ACTR5: variants seen among roughly 807,000 people sequenced by gnomAD.
The protein encoded by ACTR5 is actin related protein 5.
In ACTR5, 43 loss-of-function variants were observed where a neutral mutation model predicts 61.2. The ratio of observed to expected loss-of-function variants is 0.70; its 90% CI spans 0.55 to 0.91. The LOEUF (loss-of-function observed/expected upper bound fraction) is 0.91. ACTR5 is among the 40% of genes least tolerant of loss of function. ACTR5 has a pLI of 0.00. For synonymous variants in ACTR5, 333 were observed against 310.5 expected, an observed-to-expected ratio of 1.07 and a Z score of -0.76; for missense variants, 798 against 782.2, an observed-to-expected ratio of 1.02 and a Z score of -0.24.
intron 5 of ACTR5, among the ~76,000 whole-genome samples, chr20:38,760,546 G>A (rs1417976501): frequency 1.3e-5 from 2 of 152,226 alleles, no homozygotes; most frequent in African/African-American, 4.8e-5. Flanking sequence ...GACAAGAGTA[G>A]CAGTGTTGAT....
In ACTR5 at chr20:38,771,794, G is replaced by C; in HGVS notation, c.1802G>C (p.Gly601Ala). The change falls in exon 9 of 9, where the codon GGT becomes GCT. Residue 601 changes from glycine to alanine, a missense_variant. Coordinates refer to ENST00000243903, the MANE Select transcript of ACTR5 (RefSeq NM_024855.4). ...AGCAAGGGCTCCGCTGCTGGTGGAG[G>C]TGGTGCTGGTGAGCAGGCATAGCAG... ...ASSKGSAAGGGGAGEQA is the reference protein window; with the variant it reads ...ASSKGSAAGGAGAGEQA The C allele has an allele frequency of 1.2e-6, 2 of 1,612,776 alleles. No homozygotes were observed.
At chr20:38,757,882 G>C (rs1238147133) in intron 5 of ACTR5, among the ~76,000 whole-genome samples, 3 of 151,386 alleles carry the variant, frequency 2.0e-5, no homozygotes, top group Non-Finnish European at 4.4e-5. Flanking sequence ...ATCAGCCTCA[G>C]TTGAATCAGT....
Position 38,767,458 on chromosome 20 carries a change from T to C in ACTR5, c.1434-6T>C. On this transcript the variant is annotated splice_polypyrimidine_tract_variant and splice_region_variant and intron_variant, in intron 7 of 8. Transcript: ENST00000243903. ...GGGACTATATTAGGAGTTGTTTCTT[T>C]CCTAGGTACCCAAAGGACATTCAGG... 1 of 1,613,494 alleles carries C rather than the reference T, an allele frequency of 6.2e-7. No individual in the cohort carries two copies. Among genetic ancestry groups the C allele is most frequent in the Non-Finnish European group, 8.5e-7 (1 of 1,179,730 alleles).
At chr20:38,764,733 T>G (rs1241480271) in intron 5 of ACTR5, among the ~76,000 whole-genome samples, 2 of 152,210 alleles carry the variant, frequency 1.3e-5, no homozygotes, top group South Asian at 4.1e-4. Context: ...TACAGTGGCA[T>G]GATCATGGCT....
intron 3 of ACTR5, among the ~76,000 whole-genome samples, chr20:38,754,733 T>C (rs577781924): frequency 2.0e-3 from 309 of 150,934 alleles, no homozygotes; most frequent in African/African-American, 3.6e-3. Context: ...GGATCACAGG[T>C]GCCCGCCACC....
In ACTR5 at chr20:38,767,609, CG is replaced by C; in HGVS notation, c.1566+14del. On this transcript the variant is annotated intron_variant, in intron 8 of 8. Transcript: ENST00000243903. ...GTCTTCTTTTCAGGTACTGATTGTT[CG>C]AGTAGTCAATTATTTTGAAAATAGC... is the stretch of plus-strand genomic sequence containing the variant. 6.3e-7 allele frequency: 1 copy of C among 1,592,278 alleles called. No homozygotes were observed. The highest frequency in any genetic ancestry group is 1.1e-5 in the South Asian group (1 of 88,112).
Position 38,750,139 on chromosome 20 carries a change from TTCAGCTTC to T in ACTR5, c.507_514del (p.Phe169LeufsTer4). 1 of 1,614,230 alleles carries T rather than the reference TTCAGCTTC, an allele frequency of 6.2e-7. No individual in the cohort carries two copies. Among genetic ancestry groups the T allele is most frequent in the South Asian group, 1.1e-5 (1 of 91,086 alleles). On this transcript the variant is annotated frameshift_variant, in exon 2 of 9. Coordinates refer to ENST00000243903, the MANE Select transcript of ACTR5 (RefSeq NM_024855.4). LOFTEE classifies it high-confidence loss of function. ...GGTTGCCTATGGAATAGACAGCCTC[TTCAGCTTC>T]TACCACAATAAGCCAAAGAACTCGA...
chr20:38,755,923 C>T lies in ACTR5; in HGVS notation c.1060C>T (p.Pro354Ser). 1.2e-6 allele frequency: 2 copies of T among 1,614,128 alleles called. No homozygotes were observed. The highest frequency in any genetic ancestry group is 1.7e-6 in the Non-Finnish European group (2 of 1,180,024). Residue 354 changes from proline (P) to serine (S), a missense_variant, in exon 5 of 9, where the codon CCA becomes TCA. Pro to Ser is a moderately conservative substitution (Grantham distance 74). Transcript: ENST00000243903. The part of the protein sequence containing the change: ...KALIELNMDS[P>S]EELQSYIQKL... ...TCTGATAGAGCTGAATATGGACTCC[C>T]CAGAAGAGCTGCAGTCCTACATCCA...
At chr20:38,769,920 G>T (rs1289419891) in intron 8 of ACTR5, among the ~76,000 whole-genome samples, 2 of 152,136 alleles carry the variant, frequency 1.3e-5, no homozygotes, top group Non-Finnish European at 2.9e-5. Context: ...GGGTCACGCT[G>T]GCAGCGGCGA....
At chr20:38,758,338 A>G (rs986969603) in intron 5 of ACTR5, among the ~76,000 whole-genome samples, 23 of 152,086 alleles carry the variant, frequency 1.5e-4, no homozygotes, top group African/African-American at 5.3e-4. Flanking sequence ...AGATTTTTCT[A>G]TATGCAACAA....
Position 38,749,998 on chromosome 20 carries a change from C to T in ACTR5, c.376-12C>T. 1 of 1,605,362 alleles carries T rather than the reference C, an allele frequency of 6.2e-7. No homozygotes were observed. On this transcript the variant is annotated splice_polypyrimidine_tract_variant and intron_variant, in intron 1 of 8. Coordinates refer to ENST00000243903, the MANE Select transcript of ACTR5 (RefSeq NM_024855.4). ...TTACCACTCATTTATTTGCCCTTTT[C>T]TTTCAAAGTAGGGCTGTGTTGATCA...
chr20:38,765,416 G>C lies in ACTR5; in HGVS notation c.1191G>C (p.Glu397Asp), dbSNP rs773398124. ...VDSKPETPDL[E>D]QLEPSLEDVE... Reference sequence around the variant, plus strand: ...CCTTCTCTTAGACCCCTGACCTGGAGCAGCTGGAGCCGTCTTTGGAAGATG... The same window carrying C: ...CCTTCTCTTAGACCCCTGACCTGGACCAGCTGGAGCCGTCTTTGGAAGATG... Residue 397 changes from glutamate (E) to aspartate (D), a missense_variant, in exon 6 of 9, where the codon GAG becomes GAC. Coordinates refer to ENST00000243903, the MANE Select transcript of ACTR5 (RefSeq NM_024855.4). 1.2e-5 allele frequency: 19 copies of C among 1,614,136 alleles called. No individual in the cohort carries two copies. The highest frequency in any genetic ancestry group is 1.6e-5 in the Non-Finnish European group (19 of 1,180,010).
intron 3 of ACTR5, among the ~76,000 whole-genome samples, chr20:38,753,425 G>A (rs1194428798): frequency 2.7e-4 from 41 of 149,624 alleles, no homozygotes; most frequent in Admixed American, 7.3e-4. Context: ...GCATGATGTT[G>A]AGTAAAAAAA....
chr20:38,755,220 A>G (rs2084412907), intron 4 of ACTR5, 46 bp downstream of exon 4: 12 of 1,491,916 alleles, frequency 8.0e-6, no homozygotes, highest in South Asian at 1.3e-5. Flanking sequence ...TTAACAAGAT[A>G]GTCTCAGAAG....
In ACTR5 at chr20:38,748,800, C is replaced by T; in HGVS notation, c.322C>T (p.Leu108Phe). 1.2e-6 allele frequency: 2 copies of T among 1,609,434 alleles called. No homozygotes were observed. Among genetic ancestry groups the T allele is most frequent in the Non-Finnish European group, 1.7e-6 (2 of 1,179,118 alleles). The change falls in exon 1 of 9, where the codon CTT (leucine) becomes TTT (phenylalanine). Residue 108 changes from leucine to phenylalanine, a missense_variant. Leu to Phe is a conservative substitution (Grantham distance 22). Coordinates refer to ENST00000243903, the MANE Select transcript of ACTR5 (RefSeq NM_024855.4). ...FDRNVPVNLE[L>F]QELLLDYSFQ... ...CCGCAACGTGCCGGTCAACCTGGAG[C>T]TTCAGGAGTTGCTGCTGGACTACAG... is the stretch of plus-strand genomic sequence containing the variant.
At chr20:38,759,895 C>G (rs1036509140) in intron 5 of ACTR5, among the ~76,000 whole-genome samples, 2 of 152,170 alleles carry the variant, frequency 1.3e-5, no homozygotes, top group Non-Finnish European at 2.9e-5. Context: ...GGGCCGGGCA[C>G]AGTGGCTCAC....
intron 3 of ACTR5, among the ~76,000 whole-genome samples, chr20:38,753,202 ACT>A (rs2084397281): frequency 6.6e-6 from 1 of 151,038 alleles, no homozygotes; most frequent in Non-Finnish European, 1.5e-5. Flanking sequence ...TCTGGTATTG[ACT>A]CTTTTTTTTT....
Position 38,755,950 on chromosome 20 carries a change from A to G in ACTR5, c.1087A>G (p.Lys363Glu). Residue 363 changes from lysine (K) to glutamate (E), a missense_variant, in exon 5 of 9, where the codon AAG becomes GAG. Transcript: ENST00000243903. ...AGAAGAGCTGCAGTCCTACATCCAG[A>G]AGCTCAGTATAGCAGTGGAGCAGGC... ...SPEELQSYIQ[K>E]LSIAVEQAKQ... 2 of 1,614,208 alleles carry G rather than the reference A, an allele frequency of 1.2e-6. No individual in the cohort carries two copies. The highest frequency in any genetic ancestry group is 8.5e-7 in the Non-Finnish European group (1 of 1,180,044).
chr20:38,761,517 A>G (rs1038145455), intron 5 of ACTR5: 2 of 152,364 alleles, frequency 1.3e-5, no homozygotes, highest in South Asian at 2.1e-4. Context: ...GCTTGAAAGG[A>G]TAAGAAAATA....
Sources: allele counts gnomAD v4.1 joint callset (sites outside exome capture counted in the v4.1 genomes callset), GRCh38; gene constraint gnomAD v4.1.1; transcripts MANE v1.5; gene names NCBI Gene and HGNC (gene_info 2026-07-23, HGNC 2026-07-21).